The following PCDH11X variants were observed in gnomAD, a reference collection of about 807,000 sequenced individuals.
PCDH11X encodes protocadherin 11 X-linked, also known as protocadherin-11 X-linked.
In PCDH11X, 18 loss-of-function variants were observed where a neutral mutation model predicts 53.3. That is an observed-to-expected ratio of 0.34 (90% confidence interval 0.23 to 0.50). The LOEUF (loss-of-function observed/expected upper bound fraction) is 0.50. Ranked by LOEUF, PCDH11X falls within the 20% of genes least tolerant of loss-of-function variation. The pLI is 0.98. For missense variants in PCDH11X, 570 were observed against 1,032.4 expected (o/e 0.55, Z 6.14); for synonymous variants, 279 against 393.3 (o/e 0.71, Z 3.44).
At chrX:91,921,646 A>T (rs1941742922) in intron 6 of PCDH11X, among the ~76,000 whole-genome samples, 2 of 94,019 alleles carry the variant, frequency 2.1e-5, no homozygotes, top group Non-Finnish European at 4.4e-5. Flanking sequence ...TTGATAGATC[A>T]TTTTTTTTTT....
rs1394719424 is a variant in PCDH11X at position 92,273,800 on chromosome X, A to G, written c.3144+10657A>G. On this transcript the variant is annotated intron_variant, in intron 8 of 10. Transcript: ENST00000682573. ...AACTGAAAAACTAAATGGAATAACA[A>G]AAGGAGAAAAACAGGTATAAAAGGT... 4.5e-5 allele frequency among the ~76,000 whole-genome samples: 5 copies of G among 111,503 alleles called. No homozygotes were observed. In the East Asian group the frequency reaches 1.4e-3, roughly 32 times the overall value.
intron 6 of PCDH11X, among the ~76,000 whole-genome samples, chrX:91,953,178 A>T (rs1425995719): frequency 2.7e-5 from 3 of 110,263 alleles, no homozygotes; most frequent in Non-Finnish European, 5.7e-5. Context: ...TATATTTTAA[A>T]GTAAAGAGTG....
intron 10 of PCDH11X, among the ~76,000 whole-genome samples, chrX:92,525,594 G>GCAT (rs1220209895): frequency 3.0e-5 from 3 of 99,947 alleles, no homozygotes; most frequent in African/African-American, 1.1e-4. Context: ...TTGCACCACT[G>GCAT]CATTCCAGCC....
At chrX:92,116,041 C>T (rs779644667) in intron 6 of PCDH11X, among the ~76,000 whole-genome samples, 4 of 111,529 alleles carry the variant, frequency 3.6e-5, no homozygotes, top group South Asian at 3.8e-4. Context: ...TTTCTCTGAG[C>T]GATAGTTGCC....
chrX:92,485,534 GATA>G (rs1397402368), intron 10 of PCDH11X, among the ~76,000 whole-genome samples: 1 of 111,157 alleles, frequency 9.0e-6, no homozygotes, highest in Non-Finnish European at 1.9e-5. Flanking sequence ...AGTTACTTGT[GATA>G]ATAAAGATAA....
intron 2 of PCDH11X, among the ~76,000 whole-genome samples, 151 bp from the exon 3 acceptor site, chrX:91,810,322 G>T (rs1452377775): frequency 9.0e-6 from 1 of 111,334 alleles, no homozygotes; most frequent in Admixed American, 9.6e-5. Flanking sequence ...AAATTATTCA[G>T]AAATATTTAA....
rs1258125171 is a variant in PCDH11X at position 92,218,867 on chromosome X, C to A, written c.3114+17412C>A. Among the ~76,000 whole-genome samples, 4 of 111,511 alleles carry A rather than the reference C, an allele frequency of 3.6e-5. No individual in the cohort carries two copies. In the Admixed American group the frequency reaches 3.8e-4, roughly 11 times the overall value. On this transcript the variant is annotated intron_variant, in intron 7 of 10. Transcript: ENST00000682573. Reference sequence around the variant, plus strand: ...TCCACCATGATCAAGTGGGCTTCATCCCTGGGATGCAAGGCTGGTTCAATA... The same window carrying A: ...TCCACCATGATCAAGTGGGCTTCATACCTGGGATGCAAGGCTGGTTCAATA...
intron 8 of PCDH11X, among the ~76,000 whole-genome samples, chrX:92,354,904 G>T (rs546620658): frequency 9.0e-6 from 1 of 110,907 alleles, no homozygotes; most frequent in East Asian, 2.9e-4. Context: ...CAGTGAACTC[G>T]TGTGGCTCAT....
rs374652002 is a variant in PCDH11X at position 92,451,586 on chromosome X, C to T, written c.3344-16713C>T. Among the ~76,000 whole-genome samples, 91 of 110,765 alleles carry T rather than the reference C, an allele frequency of 8.2e-4. 2 individuals are homozygous for T. In the South Asian group the frequency reaches 0.033, roughly 40 times the overall value. ...TATCTTTGAGTCTACCGATTATTTC[C>T]GTTACAGGGTAAGAAAATGTGTTTG... On this transcript the variant is annotated intron_variant, in intron 9 of 10. Coordinates refer to ENST00000682573, the MANE Select transcript of PCDH11X (RefSeq NM_032968.5).
intron 10 of PCDH11X, among the ~76,000 whole-genome samples, chrX:92,568,422 CA>C (rs759874029): frequency 0.04 from 3,193 of 79,955 alleles, 138 homozygotes; most frequent in African/African-American, 0.13. Flanking sequence ...ACTCTGTCTC[CA>C]AAAAAAAAAA....
chrX:92,293,920 T>C (rs2068553706), intron 8 of PCDH11X, among the ~76,000 whole-genome samples: 1 of 108,602 alleles, frequency 9.2e-6, no homozygotes, highest in South Asian at 4.2e-4. Context: ...AGAAAAGACA[T>C]TAAGAAATAG....
chrX:92,274,046 T>G, intron 8 of PCDH11X, among the ~76,000 whole-genome samples: 1 of 105,405 alleles, frequency 9.5e-6, no homozygotes, highest in African/African-American at 3.5e-5. Flanking sequence ...TGAATAGGAG[T>G]ATGACTAGAC....
chrX:92,209,351 A>C (rs548808114), intron 7 of PCDH11X, among the ~76,000 whole-genome samples: 1 of 112,249 alleles, frequency 8.9e-6, no homozygotes. Flanking sequence ...GGGTACAGGC[A>C]TTGGGTAAAT....
intron 6 of PCDH11X, among the ~76,000 whole-genome samples, chrX:91,995,169 C>A (rs2062392944): frequency 9.6e-6 from 1 of 103,649 alleles, no homozygotes; most frequent in Non-Finnish European, 2.0e-5. Context: ...AATGTAGTTC[C>A]AATTGTTTAT....
chrX:91,783,906 A>G (rs1935247301), intron 1 of PCDH11X, among the ~76,000 whole-genome samples: 1 of 112,139 alleles, frequency 8.9e-6, no homozygotes, highest in South Asian at 3.8e-4. Context: ...AATTGAACAT[A>G]ATGGAGAGAG....
intron 6 of PCDH11X, among the ~76,000 whole-genome samples, chrX:92,111,836 A>T (rs1042582942): frequency 5.5e-5 from 6 of 109,723 alleles, no homozygotes; most frequent in Non-Finnish European, 9.5e-5. Flanking sequence ...GGCTCACTGC[A>T]AACTCCACCT....
At chrX:92,355,716 T>C (rs760321347) in intron 8 of PCDH11X, among the ~76,000 whole-genome samples, 3 of 109,140 alleles carry the variant, frequency 2.7e-5, no homozygotes, top group African/African-American at 1.0e-4. Context: ...TATATCTGAC[T>C]TACAGTTACC....
At chrX:92,090,858 A>G (rs2064035886) in intron 6 of PCDH11X, among the ~76,000 whole-genome samples, 1 of 112,109 alleles carries the variant, frequency 8.9e-6, no homozygotes, top group African/African-American at 3.2e-5. Flanking sequence ...TCAAACTCTC[A>G]TGTATAACGA....
At chrX:92,446,100 A>C (rs2072635810) in intron 9 of PCDH11X, among the ~76,000 whole-genome samples, 1 of 109,116 alleles carries the variant, frequency 9.2e-6, no homozygotes, top group Non-Finnish European at 1.9e-5. Flanking sequence ...TTACTTAATA[A>C]CACCTACATT....
Sources: allele counts gnomAD v4.1 joint callset (sites outside exome capture counted in the v4.1 genomes callset), GRCh38; gene constraint gnomAD v4.1.1; transcripts MANE v1.5; gene names NCBI Gene and HGNC (gene_info 2026-07-23, HGNC 2026-07-21).